Variants in ANO3 observed in about 807,000 individuals in gnomAD.
ANO3 encodes the protein anoctamin-3.
In ANO3, 99 loss-of-function variants were observed where a neutral mutation model predicts 144.8. The observed-to-expected ratio is 0.68, with a 90% CI of 0.58 to 0.81. ANO3 has a LOEUF of 0.81. ANO3 is among the 30% of genes least tolerant of loss of function. The pLI is 0.00. For synonymous variants in ANO3, 414 were observed against 392.6 expected (o/e 1.05, Z -0.64); for missense variants, 905 against 1,202.2 (o/e 0.75, Z 3.66).
intron 14 of ANO3, chr11:26,572,089 G>A (rs1850851479): frequency 1.0e-6 from 1 of 985,208 alleles, no homozygotes; most frequent in South Asian, 4.7e-5. Flanking sequence ...TATCACAGTT[G>A]TCCTGTCTGA....
At chr11:26,535,090 T>C (rs1195404222) in intron 9 of ANO3, among the ~76,000 whole-genome samples, 1 of 152,230 alleles carries the variant, frequency 6.6e-6, no homozygotes, top group Non-Finnish European at 1.5e-5. Flanking sequence ...GGTTATGAGT[T>C]CGTTATTTAT....
At chr11:26,481,561 T>C (rs893228103) in intron 4 of ANO3, among the ~76,000 whole-genome samples, 1 of 152,194 alleles carries the variant, frequency 6.6e-6, no homozygotes, top group Non-Finnish European at 1.5e-5. Context: ...ACTATAAAGG[T>C]AGTTTCTCCT....
chr11:26,613,721 T>C (rs997213522), intron 17 of ANO3, among the ~76,000 whole-genome samples: 5 of 152,214 alleles, frequency 3.3e-5, no homozygotes, highest in African/African-American at 1.2e-4. Flanking sequence ...GTGATCTTCA[T>C]GGTGTTTCTT....
intron 1 of ANO3, among the ~76,000 whole-genome samples, chr11:26,414,723 G>A (rs1857526677): frequency 7.0e-6 from 1 of 143,438 alleles, no homozygotes; most frequent in African/African-American, 2.6e-5. Flanking sequence ...AAACCTGCAT[G>A]TTCTGCACAT....
intron 3 of ANO3, among the ~76,000 whole-genome samples, chr11:26,453,406 C>T (rs1054204125): frequency 6.6e-6 from 1 of 151,734 alleles, no homozygotes; most frequent in Non-Finnish European, 1.5e-5. Context: ...CAATGGAAAA[C>T]GAAAAAAGGC....
At chr11:26,481,919 TG>T (rs1860233999) in intron 4 of ANO3, among the ~76,000 whole-genome samples, 2 of 152,276 alleles carry the variant, frequency 1.3e-5, no homozygotes, top group East Asian at 3.9e-4. Flanking sequence ...TTGGAGACTA[TG>T]TCTCACTCTT....
intron 1 of ANO3, among the ~76,000 whole-genome samples, chr11:26,209,155 C>A (rs949936987): frequency 6.6e-6 from 1 of 152,262 alleles, no homozygotes; most frequent in East Asian, 1.9e-4. Context: ...AGCCTGCTAC[C>A]CCTTGACAGG....
intron 18 of ANO3, 91 bp from the exon 19 acceptor site, chr11:26,634,110 AGAC>A: frequency 1.6e-6 from 1 of 618,332 alleles, no homozygotes; most frequent in Non-Finnish European, 2.8e-6. Flanking sequence ...TAAATTAAAA[AGAC>A]AAACTTGAAC....
At chr11:26,610,849 T>C (rs1363877817) in intron 17 of ANO3, among the ~76,000 whole-genome samples, 1 of 152,160 alleles carries the variant, frequency 6.6e-6, no homozygotes, top group African/African-American at 2.4e-5. Flanking sequence ...TTCTGTTTCT[T>C]CCTAATTTAA....
At position 26,412,857 on chromosome 11, in the gene ANO3, A is replaced by T. The variant is rs971903906; in HGVS notation, c.47-29061A>T. 3.4e-5 allele frequency among the ~76,000 whole-genome samples: 5 copies of T among 146,614 alleles called. No homozygotes were observed. In the East Asian group the frequency reaches 1.0e-3, roughly 30 times the overall value. ...GTATGCATTATTGGGTAAAGTAAAG[A>T]TAGTAACTCAGAACTGTATTTCTCA... On this transcript the variant is annotated intron_variant, in intron 1 of 26. Coordinates refer to ENST00000256737, the MANE Select transcript of ANO3 (RefSeq NM_031418.4).
intron 1 of ANO3, among the ~76,000 whole-genome samples, chr11:26,195,583 A>C (rs959387765): frequency 6.6e-6 from 1 of 152,218 alleles, no homozygotes; most frequent in African/African-American, 2.4e-5. Context: ...TAAGTTGTAG[A>C]TGGGCATAGC....
chr11:26,593,873 C>A (rs902928804), intron 14 of ANO3, among the ~76,000 whole-genome samples: 1 of 152,134 alleles, frequency 6.6e-6, no homozygotes, highest in African/African-American at 2.4e-5. Flanking sequence ...CTGTTCGTCC[C>A]GTTCCGCCTG....
At chr11:26,282,366 T>C (rs1375495668) in intron 1 of ANO3, among the ~76,000 whole-genome samples, 1 of 151,984 alleles carries the variant, frequency 6.6e-6, no homozygotes, top group Non-Finnish European at 1.5e-5. Flanking sequence ...TCTCTTATTG[T>C]TGGTTGTTAG....
chr11:26,423,206 T>C (rs1857804997), intron 1 of ANO3, among the ~76,000 whole-genome samples: 1 of 151,678 alleles, frequency 6.6e-6, no homozygotes, highest in Admixed American at 6.6e-5. Context: ...AGAAGGAATA[T>C]GTGAAAAGAA....
intron 5 of ANO3, among the ~76,000 whole-genome samples, chr11:26,513,353 C>G (rs1861738971): frequency 6.6e-6 from 1 of 152,120 alleles, no homozygotes; most frequent in African/African-American, 2.4e-5. Context: ...AGCAAAGAAG[C>G]TGCTTGAAAG....
chr11:26,599,450 A>G, intron 16 of ANO3, 100 bp from the exon 17 acceptor site: 2 of 1,204,440 alleles, frequency 1.7e-6, no homozygotes, highest in East Asian at 4.7e-5. Context: ...AAAGGTAAAT[A>G]CCTTCAATTC....
intron 1 of ANO3, among the ~76,000 whole-genome samples, chr11:26,289,071 A>G (rs1853874393): frequency 6.6e-6 from 1 of 152,184 alleles, no homozygotes; most frequent in Non-Finnish European, 1.5e-5. Context: ...CCTTAGGAAT[A>G]TGGAGGTAAA....
Position 26,508,277 on chromosome 11 carries a change from A to C in ANO3, c.591+15A>C, listed in dbSNP as rs1186803299. Reference sequence around the variant, plus strand: ...TGGAGAAGGAGGTAGGTGCTTTACTATTATTAGTTATGTGATAAAATGTGT... The same window carrying C: ...TGGAGAAGGAGGTAGGTGCTTTACTCTTATTAGTTATGTGATAAAATGTGT... On this transcript the variant is annotated intron_variant, in intron 5 of 26. Transcript: ENST00000256737. 1.9e-5 allele frequency: 30 copies of C among 1,568,382 alleles called. No individual in the cohort carries two copies. Among genetic ancestry groups the C allele is most frequent in the Non-Finnish European group, 2.6e-5 (30 of 1,166,744 alleles).
At chr11:26,553,225 T>TC in intron 12 of ANO3, 24 bp from the exon 13 acceptor site, 1 of 1,255,410 alleles carries the variant, frequency 8.0e-7, no homozygotes, top group East Asian at 2.5e-5. Flanking sequence ...TTTTGTTTTG[T>TC]TTTTGTTTTT....
Sources: gnomAD v4.1 joint callset for allele counts (sites outside exome capture counted in the v4.1 genomes callset) on GRCh38, gnomAD v4.1.1 for gene constraint, MANE v1.5 for transcripts, NCBI Gene and HGNC (gene_info 2026-07-23, HGNC 2026-07-21) for gene names.